Variants in TEX9 observed in about 807,000 individuals in gnomAD.
TEX9 encodes testis expressed 9, also known as testis-expressed protein 9.
Under a neutral mutation model 59.6 loss-of-function variants are expected in TEX9, and 74 were observed. The ratio of observed to expected loss-of-function variants is 1.24; its 90% CI spans 1.03 to 1.51. The LOEUF (loss-of-function observed/expected upper bound fraction) is 1.51. TEX9 is among the 40% of genes most tolerant of loss of function. TEX9 has a pLI of 0.00. For missense variants in TEX9, 522 were observed against 447.8 expected (o/e 1.17, Z -1.49); for synonymous variants, 186 against 152.2 (o/e 1.22, Z -1.64).
intron 12 of TEX9, among the ~76,000 whole-genome samples, chr15:56,435,434 G>GAA (rs368967008): frequency 2.0e-5 from 3 of 146,654 alleles, no homozygotes; most frequent in African/African-American, 7.5e-5. Flanking sequence ...GGCTGACCTA[G>GAA]AAAAAAAAAA....
At chr15:56,349,892 C>T (rs780186038) in intron 1 of TEX9, among the ~76,000 whole-genome samples, 1 of 151,844 alleles carries the variant, frequency 6.6e-6, no homozygotes, top group Non-Finnish European at 1.5e-5. Context: ...AGAAGTTGAA[C>T]CTCATTTCTC....
At chr15:56,365,812 C>G (rs1391165888) in intron 2 of TEX9, 142 bp downstream of exon 2, 2 of 1,452,682 alleles carry the variant, frequency 1.4e-6, no homozygotes, top group African/African-American at 2.9e-5. Flanking sequence ...GTTCACCTGC[C>G]GTTTATCCTT....
chr15:56,399,864 C>A (rs1384843167), intron 9 of TEX9, among the ~76,000 whole-genome samples: 8 of 152,158 alleles, frequency 5.3e-5, no homozygotes, highest in African/African-American at 1.9e-4. Flanking sequence ...GGACCTCCAG[C>A]AAACTCCAAA....
At chr15:56,325,871 C>A (rs781180897) in intron 1 of TEX9, among the ~76,000 whole-genome samples, 31 of 152,192 alleles carry the variant, frequency 2.0e-4, no homozygotes, top group Non-Finnish European at 4.0e-4. Flanking sequence ...TCTCTTCCCA[C>A]CTCTACGTTT....
chr15:56,410,035 C>T (rs2049274229), intron 9 of TEX9: 1 of 152,062 alleles, frequency 6.6e-6, no homozygotes, highest in Non-Finnish European at 1.5e-5. Flanking sequence ...TTTGTGTGCC[C>T]ATCATATAGA....
intron 2 of TEX9, among the ~76,000 whole-genome samples, chr15:56,368,404 C>T (rs1315144997): frequency 6.6e-6 from 1 of 152,040 alleles, no homozygotes; most frequent in African/African-American, 2.4e-5. Context: ...CTTTTCCTTT[C>T]TGTTTTTGAT....
At chr15:56,309,208 G>A (rs1198957945) in intron 1 of TEX9, among the ~76,000 whole-genome samples, 1 of 152,088 alleles carries the variant, frequency 6.6e-6, no homozygotes, top group Non-Finnish European at 1.5e-5. Flanking sequence ...TTTATCGATG[G>A]TCTTTCATTA....
intron 7 of TEX9, among the ~76,000 whole-genome samples, chr15:56,391,842 C>T (rs2048227086): frequency 6.6e-6 from 1 of 151,924 alleles, no homozygotes; most frequent in Non-Finnish European, 1.5e-5. Flanking sequence ...CATGTTAAAT[C>T]AACACATGCA....
chr15:56,455,799 G>T, the TEX9 span, among the ~76,000 whole-genome samples: 1 of 152,096 alleles, frequency 6.6e-6, no homozygotes, highest in Non-Finnish European at 1.5e-5. Flanking sequence ...AAGAAACCAG[G>T]ATGATGAATA....
At chr15:56,347,773 T>C (rs964265179) in intron 1 of TEX9, among the ~76,000 whole-genome samples, 1 of 152,066 alleles carries the variant, frequency 6.6e-6, no homozygotes, top group East Asian at 1.9e-4. Flanking sequence ...TGGACTTTAT[T>C]AAAATTAAAA....
At chr15:56,247,965 A>C (rs2043902747) in intron 1 of TEX9, among the ~76,000 whole-genome samples, 1 of 152,236 alleles carries the variant, frequency 6.6e-6, no homozygotes, top group Non-Finnish European at 1.5e-5. Context: ...TAAGAGAACA[A>C]GGAAAGAAGG....
At chr15:56,333,268 A>G (rs573617063) in intron 1 of TEX9, among the ~76,000 whole-genome samples, 77 of 152,318 alleles carry the variant, frequency 5.1e-4, no homozygotes, top group African/African-American at 1.8e-3. Context: ...AATCCTCAAC[A>G]AAACACTAGC....
the TEX9 span, chr15:56,456,542 C>G: frequency 1.2e-6 from 2 of 1,603,756 alleles, no homozygotes; most frequent in Non-Finnish European, 1.7e-6. Flanking sequence ...AATTTAACTT[C>G]GTTGTTTGTC....
chr15:56,362,361 C>G (rs532636076), upstream of TEX9, among the ~76,000 whole-genome samples: 7 of 152,290 alleles, frequency 4.6e-5, no homozygotes, highest in South Asian at 1.2e-3. Context: ...CAGGATTGTT[C>G]TATCCCCTTG....
downstream of TEX9, chr15:56,447,052 C>T (rs191670528): frequency 1.4e-3 from 1,011 of 713,408 alleles, 3 homozygotes; most frequent in Non-Finnish European, 2.0e-3. Flanking sequence ...GGGAATACAG[C>T]GGGTATTATT....
chr15:56,281,823 T>C (rs2044826600), intron 1 of TEX9, among the ~76,000 whole-genome samples: 1 of 152,172 alleles, frequency 6.6e-6, no homozygotes, highest in Non-Finnish European at 1.5e-5. Flanking sequence ...TCTACCCAAA[T>C]ACAGTGTCCA....
At chr15:56,429,493 C>T (rs1470558227) in intron 12 of TEX9, 7 of 273,454 alleles carry the variant, frequency 2.6e-5, no homozygotes, top group Non-Finnish European at 4.7e-5. Flanking sequence ...GAAGGCACTT[C>T]ATCTATACTG....
At chr15:56,270,337 G>T (rs2044497647) in intron 1 of TEX9, among the ~76,000 whole-genome samples, 2 of 152,080 alleles carry the variant, frequency 1.3e-5, no homozygotes, top group African/African-American at 4.8e-5. Flanking sequence ...CTCCTGTATT[G>T]GGTGCATATA....
chr15:56,273,051 T>C (rs1382064636), intron 1 of TEX9, among the ~76,000 whole-genome samples: 1 of 151,854 alleles, frequency 6.6e-6, no homozygotes, highest in Non-Finnish European at 1.5e-5. Flanking sequence ...CCTCCCGAGT[T>C]CAAGCAATTC....
Sources: allele counts gnomAD v4.1 joint callset (sites outside exome capture counted in the v4.1 genomes callset), GRCh38; gene constraint gnomAD v4.1.1; transcripts MANE v1.5; gene names NCBI Gene and HGNC (gene_info 2026-07-23, HGNC 2026-07-21).